Variants in ZDHHC1 observed in about 807,000 individuals in gnomAD.
ZDHHC1 encodes the protein zDHHC palmitoyltransferase 1.
ZDHHC1 carries 45 observed loss-of-function variants against 46.9 expected under a neutral mutation model. That is an observed-to-expected ratio of 0.96 (90% CI 0.76 to 1.23). The LOEUF (loss-of-function observed/expected upper bound fraction) is 1.23, where lower values mean the gene tolerates loss of function less well. Among genes scored for constraint, ZDHHC1 ranks in the 50% most tolerant of loss-of-function variants. ZDHHC1 has a pLI of 0.00. For synonymous variants in ZDHHC1, 291 were observed against 286.0 expected (o/e 1.02, Z -0.18); for missense variants, 649 against 670.8 (o/e 0.97, Z 0.36).
Position 67,406,586 on chromosome 16 carries a change from A to C in ZDHHC1, c.10-144T>G, listed in dbSNP as rs1039879096. On this transcript the variant is annotated intron_variant, in intron 2 of 11. Coordinates refer to ENST00000565726, the MANE Select transcript of ZDHHC1 (RefSeq NM_001323627.2). This position sits in a 1 kb window ranked among gnomAD's most constrained non-coding sequence, Gnocchi z 4.1. Reference sequence around the variant, plus strand: ...GGGGAAACTGGGGTCCTAGCACAATAGAGATGGGCAGTGGGGAGAGGGTGG... The same window carrying C: ...GGGGAAACTGGGGTCCTAGCACAATCGAGATGGGCAGTGGGGAGAGGGTGG... The C allele has an allele frequency of 4.7e-6, 5 of 1,075,084 alleles. No homozygotes were observed. The African/African-American group carries it at 6.5e-5, about 14-fold the overall frequency. The allele number at this position is 1,075,084 out of a possible 1,614,324, so 66.6% of individuals were successfully genotyped here. A position where few individuals can be genotyped will look rare whatever the true frequency, so the allele number is the denominator to read the frequency against.
At position 67,399,359 on chromosome 16, in the gene ZDHHC1, A is replaced by G; in HGVS notation, c.526T>C (p.Tyr176His). The change falls in exon 5 of 12, where the codon TAC (tyrosine) becomes CAC (histidine). Residue 176 changes from tyrosine (Y) to histidine (H), a missense_variant. Coordinates refer to ENST00000565726, the MANE Select transcript of ZDHHC1 (RefSeq NM_001323627.2). ...GTGCGGCCGGGCTGTCCTCACCGGT[A>G]GTTCCGCTCGCCCACACAGTTGTTG... ...WLNNCVGERNYRLFLHSVASA... is the reference protein window; with the variant it reads ...WLNNCVGERNHRLFLHSVASA... 1 of 1,612,514 alleles carries G rather than the reference A, an allele frequency of 6.2e-7. No individual in the cohort carries two copies. Among genetic ancestry groups the G allele is most frequent in the South Asian group, 1.1e-5 (1 of 91,018 alleles).
intron 3 of ZDHHC1, among the ~76,000 whole-genome samples, chr16:67,402,718 C>T (rs1441071186): frequency 6.6e-6 from 1 of 152,106 alleles, no homozygotes; most frequent in East Asian, 1.9e-4. Flanking sequence ...CCTCTGCCTC[C>T]CAGGTTCAAG....
intron 4 of ZDHHC1, among the ~76,000 whole-genome samples, chr16:67,400,034 C>G (rs1338369840): frequency 1.3e-5 from 2 of 152,234 alleles, no homozygotes; most frequent in African/African-American, 4.8e-5. Flanking sequence ...TCTCCCAGCC[C>G]AGGGAGGCAC....
intron 1 of ZDHHC1, among the ~76,000 whole-genome samples, chr16:67,408,679 T>C (rs1045222934): frequency 9.9e-5 from 15 of 151,986 alleles, no homozygotes; most frequent in Non-Finnish European, 1.9e-4. Flanking sequence ...GCAGAGACAG[T>C]CCCACTATGT....
At chr16:67,404,740 C>A (rs1049801760) in intron 3 of ZDHHC1, 4 of 455,828 alleles carry the variant, frequency 8.8e-6, no homozygotes, top group African/African-American at 8.0e-5. Context: ...GGGGAGAATA[C>A]CTCCTTAAGG....
chr16:67,406,757 A>G lies in ZDHHC1; in HGVS notation c.10-315T>C, dbSNP rs780776373. On this transcript the variant is annotated intron_variant, in intron 2 of 11. Transcript: ENST00000565726. This position sits in a 1 kb window ranked among gnomAD's most constrained non-coding sequence, Gnocchi z 4.1. ...TTCACAGCCATCACAGTTAAACCCA[A>G]TAAGACATGTTCTCATCTGGTAACA... Among the ~76,000 whole-genome samples the G allele has an allele frequency of 2.6e-5, 4 of 152,184 alleles. No homozygotes were observed. Among genetic ancestry groups the G allele is most frequent in the African/African-American group, 7.2e-5 (3 of 41,448 alleles).
In ZDHHC1 at chr16:67,395,027, C is replaced by T; in HGVS notation, c.1140G>A (p.Thr380=). 1 of 1,612,610 alleles carries T rather than the reference C, an allele frequency of 6.2e-7. No homozygotes were observed. The highest frequency in any genetic ancestry group is 1.1e-5 in the South Asian group (1 of 90,898). ...CCGACGCCGGATCCGAGGTCTCAGA[C>T]GTTCGCACTTTATACACGCGCCTCT... ...KRKRRVYKVR[T]SETSDPASGP... is the part of the protein sequence containing the mutation. The change falls in exon 11 of 12, where the codon ACG becomes ACA. Residue 380 remains threonine, a synonymous_variant. Transcript: ENST00000565726.
chr16:67,399,093 CA>C, intron 5 of ZDHHC1, 149 bp from the exon 6 acceptor site: 1 of 1,221,620 alleles, frequency 8.2e-7, no homozygotes, highest in Non-Finnish European at 1.1e-6. Flanking sequence ...AGGCATACGG[CA>C]AAACTGAAGA....
chr16:67,395,289 G>T lies in ZDHHC1; in HGVS notation c.1011-9C>A, dbSNP rs753480917. 3.3e-6 allele frequency: 5 copies of T among 1,531,716 alleles called. No homozygotes were observed. Among genetic ancestry groups the T allele is most frequent in the Non-Finnish European group, 4.4e-6 (5 of 1,137,584 alleles). 94.9% of individuals were successfully genotyped at this position (1,531,716 alleles called of 1,614,324 possible). A position where few individuals can be genotyped will look rare whatever the true frequency, so the allele number is the denominator to read the frequency against. On this transcript the variant is annotated splice_polypyrimidine_tract_variant and intron_variant, in intron 9 of 11. Transcript: ENST00000565726. ...CAAGAAACTGGGAGGGACTGAGGGGGAAGCAGGAGGGTAAGCCTGGGGCCT... is the reference window on the plus strand; with the variant it reads ...CAAGAAACTGGGAGGGACTGAGGGGTAAGCAGGAGGGTAAGCCTGGGGCCT...
In ZDHHC1 at chr16:67,406,096, A is replaced by C; in HGVS notation, c.252+104T>G. 9 of 1,463,618 alleles carry C rather than the reference A, an allele frequency of 6.1e-6. No individual in the cohort carries two copies. The highest frequency in any genetic ancestry group is 8.2e-6 in the Non-Finnish European group (9 of 1,102,686). The allele number at this position is 1,463,618 out of a possible 1,614,324, so 90.7% of individuals were successfully genotyped here. On this transcript the variant is annotated intron_variant, in intron 3 of 11. Coordinates refer to ENST00000565726, the MANE Select transcript of ZDHHC1 (RefSeq NM_001323627.2). This position sits in a 1 kb window ranked among gnomAD's most constrained non-coding sequence, Gnocchi z 4.1. ...GGGCCCACCCTGCTCCACTCTCCTG[A>C]CTGTGCTCCCCAAGGCTCTCAACCC...
Position 67,398,261 on chromosome 16 carries a change from C to A in ZDHHC1, c.878G>T (p.Gly293Val). The change falls in exon 8 of 12, where the codon GGG becomes GTG. Residue 293 changes from glycine to valine, a missense_variant. By Grantham distance (109) the Gly-to-Val change is moderately radical (BLOSUM62 -3). Coordinates refer to ENST00000565726, the MANE Select transcript of ZDHHC1 (RefSeq NM_001323627.2). ...VQHRPPQEAK[G>V]VHRELESCPP... ...ACATGACTCGAGCTCCCTGTGAACC[C>A]CCTTGGCCTCCTGTGGTGGGCGGTG... The A allele has an allele frequency of 6.2e-7, 1 of 1,614,136 alleles. No individual in the cohort carries two copies. Among genetic ancestry groups the A allele is most frequent in the Non-Finnish European group, 8.5e-7 (1 of 1,180,016 alleles).
chr16:67,402,233 T>C (rs1378197100), intron 3 of ZDHHC1, among the ~76,000 whole-genome samples: 1 of 152,190 alleles, frequency 6.6e-6, no homozygotes, highest in Non-Finnish European at 1.5e-5. Context: ...GCGCCTTCTG[T>C]CTGAGTTCCC....
chr16:67,394,833 A>AT lies in ZDHHC1; in HGVS notation c.1225_1226insA (p.Val409AspfsTer90), dbSNP rs1217623000. 3 of 1,552,590 alleles carry AT rather than the reference A, an allele frequency of 1.9e-6. No homozygotes were observed. Among genetic ancestry groups the AT allele is most frequent in the South Asian group, 2.4e-5 (2 of 84,822 alleles). On this transcript the variant is annotated frameshift_variant, in exon 12 of 12. Transcript: ENST00000565726. LOFTEE classifies it low-confidence loss of function (END_TRUNC). ...GGCGCCGGCAGGGCCAGCGGCGTGC[A>AT]CAGGGCTGGCGTCCGCGGAATCCGT...
chr16:67,395,630 T>C (rs2040416392), intron 8 of ZDHHC1, 64 bp from the exon 9 acceptor site: 1 of 1,485,042 alleles, frequency 6.7e-7, no homozygotes, highest in African/African-American at 1.4e-5. Flanking sequence ...TGCTGAGCCC[T>C]AAGCCCACGC....
rs925160074 is a variant in ZDHHC1, at chr16:67,406,565, A to G, written c.10-123T>C. The G allele has an allele frequency of 3.2e-6, 4 of 1,261,186 alleles. No individual in the cohort carries two copies. In the African/African-American group the frequency reaches 6.1e-5, roughly 19 times the overall value. 78.1% of individuals were successfully genotyped at this position (1,261,186 alleles called of 1,614,324 possible). A position where few individuals can be genotyped will look rare whatever the true frequency, so the allele number is the denominator to read the frequency against. On this transcript the variant is annotated intron_variant, in intron 2 of 11. Coordinates refer to ENST00000565726, the MANE Select transcript of ZDHHC1 (RefSeq NM_001323627.2). The surrounding 1 kb of genome is among the most constrained non-coding windows in gnomAD (Gnocchi z 4.1). The stretch of plus-strand genomic sequence containing the variant: ...GGCTGCGACAGCTACTCTGCTGGGG[A>G]AACTGGGGTCCTAGCACAATAGAGA...
chr16:67,402,633 T>TA (rs954428941), intron 3 of ZDHHC1, among the ~76,000 whole-genome samples: 1 of 151,968 alleles, frequency 6.6e-6, no homozygotes, highest in African/African-American at 2.4e-5. Context: ...CATGGAATTT[T>TA]TTTTTTTTTT....
rs1230173281 is a variant in ZDHHC1, at chr16:67,394,533, C to T, written c.*77G>A. 3 of 1,114,732 alleles carry T rather than the reference C, an allele frequency of 2.7e-6. No individual in the cohort carries two copies. Among genetic ancestry groups the T allele is most frequent in the South Asian group, 4.5e-5 (1 of 22,412 alleles). 69.1% of individuals were successfully genotyped at this position (1,114,732 alleles called of 1,614,324 possible). Reference sequence around the variant, plus strand: ...GCCGTAGGGGCCCCTAAAGTGCACTCGGTGCGGCAAGGATGGGGTGTTGCA... The same window carrying T: ...GCCGTAGGGGCCCCTAAAGTGCACTTGGTGCGGCAAGGATGGGGTGTTGCA... On this transcript the variant is annotated 3_prime_UTR_variant, in exon 12 of 12. Coordinates refer to ENST00000565726, the MANE Select transcript of ZDHHC1 (RefSeq NM_001323627.2).
At chr16:67,399,016 G>C in intron 5 of ZDHHC1, 72 bp from the exon 6 acceptor site, 3 of 1,561,154 alleles carry the variant, frequency 1.9e-6, no homozygotes, top group Non-Finnish European at 2.6e-6. Flanking sequence ...AGTTGGGGCT[G>C]TAGGGTCATT....
At chr16:67,403,636 G>A (rs988652851) in intron 3 of ZDHHC1, among the ~76,000 whole-genome samples, 141 of 151,908 alleles carry the variant, frequency 9.3e-4, no homozygotes, top group Admixed American at 2.2e-3. Flanking sequence ...TTGAGACAGG[G>A]TCTCCCTCTG....
Sources: gnomAD v4.1 joint callset for allele counts (sites outside exome capture counted in the v4.1 genomes callset) on GRCh38, gnomAD v4.1.1 for gene constraint, Gnocchi (gnomAD v3.1) non-coding constraint, MANE v1.5 for transcripts, NCBI Gene and HGNC (gene_info 2026-07-23, HGNC 2026-07-21) for gene names.